Variants in ZBTB2 observed in about 807,000 individuals in gnomAD.
ZBTB2 encodes the protein zinc finger and BTB domain-containing protein 2.
A neutral mutation model predicts 39.5 loss-of-function variants in ZBTB2; 2 were observed. That is an observed-to-expected ratio of 0.05 (90% CI 0.02 to 0.16). ZBTB2 has a LOEUF of 0.16. Ranked by LOEUF, ZBTB2 falls within the 10% of genes least tolerant of loss-of-function variation. The pLI is 1.00. For synonymous variants in ZBTB2, 251 were observed against 256.6 expected, an observed-to-expected ratio of 0.98 and a Z score of 0.21; for missense variants, 391 against 653.0, an observed-to-expected ratio of 0.60 and a Z score of 4.37.
Position 151,366,604 on chromosome 6 carries a change from T to A in ZBTB2, c.462A>T (p.Lys154Asn). ...QATKIASAPE[K>N]LGRDPRPQTS... Reference sequence around the variant, plus strand: ...TCTGTGGCCGTGGATCTCGCCCGAGTTTTTCAGGTGCTGAAGCAATCTTGG... The same window carrying A: ...TCTGTGGCCGTGGATCTCGCCCGAGATTTTCAGGTGCTGAAGCAATCTTGG... Residue 154 changes from lysine to asparagine, a missense_variant, in exon 3 of 3, where the codon AAA becomes AAT. Around this residue, in one of 7 missense-constraint regions of ZBTB2, gnomAD observed 175 missense variants for 198.6 expected, o/e 0.88. Transcript: ENST00000325144. This position sits in a 1 kb window ranked among gnomAD's most constrained non-coding sequence, Gnocchi z 7.1. 1 of 1,613,316 alleles carries A rather than the reference T, an allele frequency of 6.2e-7. No individual in the cohort carries two copies. The highest frequency in any genetic ancestry group is 8.5e-7 in the Non-Finnish European group (1 of 1,179,886).
chr6:151,383,621 C>A (rs1359290195), intron 1 of ZBTB2, among the ~76,000 whole-genome samples: 1 of 152,076 alleles, frequency 6.6e-6, no homozygotes, highest in Non-Finnish European at 1.5e-5. Flanking sequence ...GCTTCACTCT[C>A]GAGGCTGGGC....
chr6:151,377,369 A>ATTTTTT (rs754374133), intron 1 of ZBTB2, among the ~76,000 whole-genome samples: 2 of 138,750 alleles, frequency 1.4e-5, no homozygotes, highest in African/African-American at 5.4e-5. Context: ...ATAAAGTTCA[A>ATTTTTT]TTTTTTTTTT....
chr6:151,374,467 A>G (rs1295306892), intron 1 of ZBTB2, among the ~76,000 whole-genome samples: 2 of 152,220 alleles, frequency 1.3e-5, no homozygotes, highest in African/African-American at 2.4e-5. Flanking sequence ...GCCTGAGTCT[A>G]TTTATAATAG....
intron 1 of ZBTB2, among the ~76,000 whole-genome samples, chr6:151,379,992 G>C (rs556055097): frequency 1.3e-5 from 2 of 152,268 alleles, no homozygotes; most frequent in East Asian, 1.9e-4. Context: ...GAGTCTACCA[G>C]TTATTTTAGA....
At chr6:151,391,167 G>A (rs1779297838) in intron 1 of ZBTB2, among the ~76,000 whole-genome samples, 1 of 150,526 alleles carries the variant, frequency 6.6e-6, no homozygotes, top group African/African-American at 2.4e-5. Flanking sequence ...GGCGCCAGGC[G>A]CAGCCGCCGC....
chr6:151,377,154 T>C (rs1212594566), intron 1 of ZBTB2, among the ~76,000 whole-genome samples: 1 of 86,064 alleles, frequency 1.2e-5, no homozygotes, highest in Non-Finnish European at 2.4e-5. Context: ...AGATTAGTGG[T>C]GGGGGGGGTG....
At chr6:151,378,838 G>A (rs1386024806) in intron 1 of ZBTB2, among the ~76,000 whole-genome samples, 3 of 152,182 alleles carry the variant, frequency 2.0e-5, no homozygotes, top group Non-Finnish European at 4.4e-5. Context: ...TTCTTATGGA[G>A]TGCTACTATT....
intron 1 of ZBTB2, among the ~76,000 whole-genome samples, chr6:151,378,938 G>A (rs1778976077): frequency 6.6e-6 from 1 of 152,208 alleles, no homozygotes; most frequent in Non-Finnish European, 1.5e-5. Context: ...CGAGGAAATA[G>A]GGTTAGAGAG....
At chr6:151,384,039 GTAGAAGTTGAGT>G (rs1213558746) in intron 1 of ZBTB2, among the ~76,000 whole-genome samples, 1 of 152,154 alleles carries the variant, frequency 6.6e-6, no homozygotes, top group Admixed American at 6.5e-5. Flanking sequence ...GTGACTGAGG[GTAGAAGTTGAGT>G]TTCTAGTTAT....
At position 151,384,241 on chromosome 6, in the gene ZBTB2, G is replaced by A. The variant is rs117607411; in HGVS notation, c.-13+7179C>T. On this transcript the variant is annotated intron_variant, in intron 1 of 2. Coordinates refer to ENST00000325144, the MANE Select transcript of ZBTB2 (RefSeq NM_020861.3). ...GAGAATAACGAGGATGGAGACAGAC[G>A]TCATGTTAAGGATTTTGGTCCATAT... 2.5e-3 allele frequency among the ~76,000 whole-genome samples: 378 copies of A among 152,306 alleles called. 1 individual carries two copies. The highest frequency in any genetic ancestry group is 3.7e-3 in the Non-Finnish European group (253 of 68,026).
chr6:151,386,711 T>A (rs1002137659), intron 1 of ZBTB2, among the ~76,000 whole-genome samples: 8 of 152,350 alleles, frequency 5.3e-5, no homozygotes, highest in African/African-American at 1.7e-4. Context: ...TAACTCAAAG[T>A]CTTAATAATA....
At chr6:151,389,079 C>T (rs1379461685) in intron 1 of ZBTB2, among the ~76,000 whole-genome samples, 1 of 152,132 alleles carries the variant, frequency 6.6e-6, no homozygotes, top group Non-Finnish European at 1.5e-5. Flanking sequence ...ATGAGAAATG[C>T]CCAGTTTAAA....
chr6:151,375,400 G>A (rs1778886025), intron 1 of ZBTB2, among the ~76,000 whole-genome samples: 3 of 152,152 alleles, frequency 2.0e-5, no homozygotes, highest in Non-Finnish European at 2.9e-5. Context: ...TATGATTATG[G>A]ACAGGAAGAC....
chr6:151,388,421 C>G (rs558578066), intron 1 of ZBTB2, among the ~76,000 whole-genome samples: 1 of 152,358 alleles, frequency 6.6e-6, no homozygotes, highest in South Asian at 2.1e-4. Flanking sequence ...ATTTCCTTCT[C>G]TATTTTGTAA....
At chr6:151,372,809 G>A (rs1184463012) in intron 2 of ZBTB2, among the ~76,000 whole-genome samples, 12 of 152,124 alleles carry the variant, frequency 7.9e-5, no homozygotes, top group Admixed American at 6.6e-5. Context: ...AATGAGTCCA[G>A]GAAAGATTAC....
At chr6:151,388,423 A>G (rs1272229025) in intron 1 of ZBTB2, among the ~76,000 whole-genome samples, 2 of 152,194 alleles carry the variant, frequency 1.3e-5, no homozygotes, top group Non-Finnish European at 2.9e-5. Flanking sequence ...TTCCTTCTCT[A>G]TTTTGTAAGT....
intron 1 of ZBTB2, among the ~76,000 whole-genome samples, chr6:151,379,555 T>A (rs1410101284): frequency 7.1e-6 from 1 of 141,156 alleles, no homozygotes; most frequent in African/African-American, 2.7e-5. Flanking sequence ...AGTGGGAGGA[T>A]CACTTGAGCC....
At position 151,366,266 on chromosome 6, in the gene ZBTB2, C is replaced by G. The variant is rs749022438; in HGVS notation, c.800G>C (p.Ser267Thr). Residue 267 changes from serine (S) to threonine (T), a missense_variant, in exon 3 of 3, where the codon AGC becomes ACC. By Grantham distance (58) the Ser-to-Thr change is moderately conservative. Around this residue, in one of 7 missense-constraint regions of ZBTB2, gnomAD observed 80 missense variants for 125.2 expected, o/e 0.64. Transcript: ENST00000325144. The surrounding 1 kb of genome is among the most constrained non-coding windows in gnomAD (Gnocchi z 7.1). ...HLCGRRFTLR[S>T]SLREHLQIHT... is the part of the protein sequence containing the mutation. ...GATCTGGAGGTGTTCACGTAAGCTG[C>G]TCCGGAGAGTGAAGCGCCGTCCACA... The G allele has an allele frequency of 6.2e-7, 1 of 1,606,860 alleles. No individual in the cohort carries two copies. The highest frequency in any genetic ancestry group is 8.5e-7 in the Non-Finnish European group (1 of 1,176,966).
chr6:151,376,283 AAG>A (rs1778907116), intron 1 of ZBTB2, among the ~76,000 whole-genome samples: 1 of 152,240 alleles, frequency 6.6e-6, no homozygotes, highest in Non-Finnish European at 1.5e-5. Context: ...GGGCTAGTCA[AAG>A]AGTTTTTACA....
Sources: allele counts gnomAD v4.1 joint callset (sites outside exome capture counted in the v4.1 genomes callset), GRCh38; gene constraint gnomAD v4.1.1; regional missense constraint gnomAD v4.1.1; non-coding constraint Gnocchi (gnomAD v3.1); transcripts MANE v1.5; gene names NCBI Gene and HGNC (gene_info 2026-07-23, HGNC 2026-07-21).